The following HEPHL1 variants were observed in gnomAD, a reference collection of about 807,000 sequenced individuals.
HEPHL1 encodes the protein hephaestin like 1.
A neutral mutation model predicts 122.0 loss-of-function variants in HEPHL1; 123 were observed. That is an observed-to-expected ratio of 1.01 (90% confidence interval 0.87 to 1.17). The LOEUF is 1.17. Among genes scored for constraint, HEPHL1 ranks in the 50% most tolerant of loss-of-function variants. The pLI, the probability that HEPHL1 is intolerant of heterozygous loss-of-function variation, is 0.00. For synonymous variants in HEPHL1, 527 were observed against 508.9 expected (o/e 1.04, Z -0.48); for missense variants, 1,452 against 1,430.5 (o/e 1.01, Z -0.24).
At chr11:94,062,539 C>T (rs1258542723) in intron 2 of HEPHL1, among the ~76,000 whole-genome samples, 2 of 151,962 alleles carry the variant, frequency 1.3e-5, no homozygotes, top group Non-Finnish European at 2.9e-5. Flanking sequence ...AGCATGTGTT[C>T]AATATTGAAT....
chr11:94,077,880 T>TGCGTGGCTAGTTCTTCTTGTCACTCCTCA (rs1946139225), intron 9 of HEPHL1, among the ~76,000 whole-genome samples: 1 of 152,224 alleles, frequency 6.6e-6, no homozygotes, highest in East Asian at 1.9e-4. Flanking sequence ...CCCTGACCTT[T>TGCGTGGCTAGTTCTTCTTGTCACTCCTCA]GCGTGGCTAG....
intron 1 of HEPHL1, among the ~76,000 whole-genome samples, chr11:94,032,815 G>C (rs1351379836): frequency 1.3e-5 from 2 of 152,222 alleles, no homozygotes; most frequent in African/African-American, 4.8e-5. Flanking sequence ...GATCTCAGGA[G>C]TTGGGCAAAT....
At chr11:94,031,120 A>G (rs1945670908) in intron 1 of HEPHL1, among the ~76,000 whole-genome samples, 1 of 152,078 alleles carries the variant, frequency 6.6e-6, no homozygotes, top group South Asian at 2.1e-4. Flanking sequence ...TTTTTTTTCA[A>G]TAAAACGTGA....
chr11:94,063,280 A>G (rs900670910), intron 2 of HEPHL1, among the ~76,000 whole-genome samples: 2 of 152,170 alleles, frequency 1.3e-5, no homozygotes, highest in African/African-American at 4.8e-5. Context: ...CTCTGTATAC[A>G]TTGCCTCATT....
chr11:94,094,684 C>T (rs529297482), intron 13 of HEPHL1, among the ~76,000 whole-genome samples: 68 of 152,242 alleles, frequency 4.5e-4, no homozygotes, highest in African/African-American at 1.0e-3. Context: ...TTTTAATGAT[C>T]GCCATTGTAA....
chr11:94,092,497 C>T (rs1172146712), intron 12 of HEPHL1, among the ~76,000 whole-genome samples: 1 of 152,228 alleles, frequency 6.6e-6, no homozygotes, highest in Non-Finnish European at 1.5e-5. Flanking sequence ...TTTCAGCTCT[C>T]ATACTGTAAA....
rs1398287016 is a variant in HEPHL1 at position 94,039,991 on chromosome 11, A to G, written c.171-5682A>G. On this transcript the variant is annotated intron_variant, in intron 1 of 19. Transcript: ENST00000315765. The stretch of plus-strand genomic sequence containing the variant: ...GACCACTAGCAAGACTAATAAAGAA[A>G]AAAAGAGAGAAGAATCAAATAGACA... 6.3e-4 allele frequency among the ~76,000 whole-genome samples: 54 copies of G among 85,254 alleles called. 3 individuals are homozygous for G. The East Asian group carries it at 0.012, about 18-fold the overall frequency. 55.9% of individuals were successfully genotyped at this position (85,254 alleles called of 152,430 possible). A position where few individuals can be genotyped will look rare whatever the true frequency, so the allele number is the denominator to read the frequency against.
chr11:94,101,745 G>A (rs990844358), intron 14 of HEPHL1, among the ~76,000 whole-genome samples: 7 of 152,030 alleles, frequency 4.6e-5, no homozygotes, highest in South Asian at 2.1e-4. Context: ...AAAATTCTCC[G>A]TGCTCTGGTG....
chr11:94,033,705 C>T (rs1431666564), intron 1 of HEPHL1, among the ~76,000 whole-genome samples: 1 of 152,136 alleles, frequency 6.6e-6, no homozygotes, highest in African/African-American at 2.4e-5. Flanking sequence ...CTTTAGCTTG[C>T]CAATATGGGG....
chr11:94,088,968 G>A lies in HEPHL1; in HGVS notation c.2294G>A (p.Arg765Lys). The stretch of plus-strand genomic sequence containing the variant: ...CAGCACGTGGACGCAAGAGGGGAAA[G>A]GTACCACAGGCGCCGCCGCTAGGGC... ...EKQHVDARGE[R>K]HGDIFMNRTE... is the part of the protein sequence containing the mutation. Residue 765 changes from arginine (R) to lysine (K), a missense_variant and splice_region_variant, in exon 12 of 20, where the codon AGA (arginine) becomes AAA (lysine). Arg to Lys is a conservative substitution (Grantham distance 26). Transcript: ENST00000315765. 1 of 1,613,858 alleles carries A rather than the reference G, an allele frequency of 6.2e-7. No homozygotes were observed. Among genetic ancestry groups the A allele is most frequent in the Admixed American group, 1.7e-5 (1 of 60,028 alleles).
chr11:94,025,676 T>C (rs1461855307), intron 1 of HEPHL1, among the ~76,000 whole-genome samples: 2 of 152,126 alleles, frequency 1.3e-5, no homozygotes, highest in African/African-American at 4.8e-5. Flanking sequence ...GCTTTGAGTA[T>C]TCTAAGAAGC....
intron 2 of HEPHL1, chr11:94,055,104 A>G (rs10831161): frequency 0.59 from 110,494 of 186,908 alleles, 32,955 homozygotes; most frequent in South Asian, 0.69. Context: ...GGTATGTAAT[A>G]TCATCTGCAG....
At position 94,099,465 on chromosome 11, in the gene HEPHL1, C is replaced by T. The variant is rs984993352; in HGVS notation, c.2435-1730C>T. 2.6e-5 allele frequency among the ~76,000 whole-genome samples: 4 copies of T among 152,178 alleles called. No individual in the cohort carries two copies. In the East Asian group the frequency reaches 5.8e-4, roughly 22 times the overall value. On this transcript the variant is annotated intron_variant, in intron 13 of 19. Coordinates refer to ENST00000315765, the MANE Select transcript of HEPHL1 (RefSeq NM_001098672.2). ...AGTTAGGCTACTTGGGTGTCAGGGACCCACTTGAGGAGGCAGTCTGACCAT... is the reference window on the plus strand; with the variant it reads ...AGTTAGGCTACTTGGGTGTCAGGGATCCACTTGAGGAGGCAGTCTGACCAT...
intron 1 of HEPHL1, among the ~76,000 whole-genome samples, chr11:94,030,268 A>G (rs1020431416): frequency 6.6e-6 from 1 of 152,232 alleles, no homozygotes; most frequent in Non-Finnish European, 1.5e-5. Context: ...CTTATTAGCA[A>G]GCTTGGGGAT....
intron 2 of HEPHL1, among the ~76,000 whole-genome samples, chr11:94,049,518 C>A (rs1265896717): frequency 6.6e-6 from 1 of 151,332 alleles, no homozygotes; most frequent in Non-Finnish European, 1.5e-5. Flanking sequence ...AGGAATAAAC[C>A]TTTCATTGAG....
At chr11:94,102,180 A>G (rs1319290235) in intron 14 of HEPHL1, among the ~76,000 whole-genome samples, 1 of 152,228 alleles carries the variant, frequency 6.6e-6, no homozygotes, top group African/African-American at 2.4e-5. Context: ...CTACTGTAGT[A>G]AACATAAAAA....
chr11:94,057,722 A>G (rs1158945700), intron 2 of HEPHL1, among the ~76,000 whole-genome samples: 1 of 152,124 alleles, frequency 6.6e-6, no homozygotes. Context: ...CATATTTATT[A>G]TAGCTGCTTT....
chr11:94,040,264 TGG>T (rs1945764871), intron 1 of HEPHL1, among the ~76,000 whole-genome samples: 1 of 15,714 alleles, frequency 6.4e-5, no homozygotes, highest in Non-Finnish European at 1.1e-4. Context: ...CAGGACCAGA[TGG>T]ATTCACAGCC....
chr11:94,045,637 C>A, intron 1 of HEPHL1, 36 bp from the exon 2 acceptor site: 1 of 1,529,304 alleles, frequency 6.5e-7, no homozygotes. Flanking sequence ...CTTCTCTTTT[C>A]ATTTCAATTA....
Sources: allele counts gnomAD v4.1 joint callset (sites outside exome capture counted in the v4.1 genomes callset), GRCh38; gene constraint gnomAD v4.1.1; transcripts MANE v1.5; gene names NCBI Gene and HGNC (gene_info 2026-07-23, HGNC 2026-07-21).